ANKRD11: variants seen among roughly 807,000 people sequenced by gnomAD.
The protein encoded by ANKRD11 is ankyrin repeat domain 11, also known as ankyrin repeat domain-containing protein 11.
Under a neutral mutation model 195.7 loss-of-function variants are expected in ANKRD11, and 17 were observed. The observed-to-expected ratio is 0.09, with a 90% CI of 0.06 to 0.13. The LOEUF is 0.13. ANKRD11 is among the 10% of genes least tolerant of loss of function. ANKRD11 has a pLI of 1.00. For missense variants in ANKRD11, 3,735 were observed against 3,566.1 expected (o/e 1.05, Z -1.21); for synonymous variants, 1,953 against 1,528.1 (o/e 1.28, Z -6.49).
intron 1 of ANKRD11, among the ~76,000 whole-genome samples, chr16:89,419,001 C>T (rs1252046252): frequency 6.6e-6 from 1 of 151,966 alleles, no homozygotes; most frequent in African/African-American, 2.4e-5. Context: ...GGATTACAGG[C>T]GTCAGCCACC....
At chr16:89,393,933 G>A (rs1376480408) in intron 2 of ANKRD11, among the ~76,000 whole-genome samples, 1 of 152,206 alleles carries the variant, frequency 6.6e-6, no homozygotes. Context: ...TTGTAATAGA[G>A]ACTAGTTTAC....
intron 1 of ANKRD11, among the ~76,000 whole-genome samples, chr16:89,441,013 A>G (rs1329875574): frequency 3.0e-4 from 45 of 151,530 alleles, no homozygotes; most frequent in African/African-American, 9.0e-4. Flanking sequence ...CGAGGCGGGC[A>G]GATCATGAGG....
chr16:89,393,395 C>T (rs1433770050), intron 2 of ANKRD11, among the ~76,000 whole-genome samples: 2 of 150,500 alleles, frequency 1.3e-5, no homozygotes, highest in African/African-American at 4.9e-5. Context: ...GCAATATTGG[C>T]TCACTGCAAC....
chr16:89,452,076 C>T (rs4594255), intron 1 of ANKRD11, among the ~76,000 whole-genome samples: 73,138 of 151,512 alleles, frequency 0.48, 18,063 homozygotes, highest in Middle Eastern at 0.66. Flanking sequence ...CTGGACAACA[C>T]GGTGAAACCC....
intron 9 of ANKRD11, 115 bp from the exon 10 acceptor site, chr16:89,275,306 C>T: frequency 1.2e-6 from 1 of 825,716 alleles, no homozygotes; most frequent in Non-Finnish European, 1.9e-6. Flanking sequence ...GGAGCCTGCC[C>T]TGGAGGCCTC....
intron 3 of ANKRD11, among the ~76,000 whole-genome samples, chr16:89,312,623 C>A (rs1392701002): frequency 8.5e-6 from 1 of 117,324 alleles, no homozygotes; most frequent in East Asian, 2.2e-4. Context: ...ACAGAAATCA[C>A]CCTCTCCACG....
chr16:89,316,327 G>A (rs977802960), intron 3 of ANKRD11, among the ~76,000 whole-genome samples: 1 of 152,068 alleles, frequency 6.6e-6, no homozygotes, highest in African/African-American at 2.4e-5. Context: ...CCAGAACTCG[G>A]CGTCTCCCCT....
At chr16:89,373,950 G>C (rs896718934) in intron 2 of ANKRD11, among the ~76,000 whole-genome samples, 4 of 152,258 alleles carry the variant, frequency 2.6e-5, no homozygotes, top group African/African-American at 4.8e-5. Context: ...CACCAAGCGG[G>C]CTGGGGCCCT....
At chr16:89,437,334 T>C (rs977475896) in intron 1 of ANKRD11, among the ~76,000 whole-genome samples, 1 of 152,338 alleles carries the variant, frequency 6.6e-6, no homozygotes, top group African/African-American at 2.4e-5. Flanking sequence ...AAGACTGTAT[T>C]GTTTGCCCCA....
intron 1 of ANKRD11, among the ~76,000 whole-genome samples, chr16:89,483,383 A>T (rs1229034111): frequency 6.6e-6 from 1 of 152,246 alleles, no homozygotes; most frequent in Non-Finnish European, 1.5e-5. Context: ...CCAAAGAAAA[A>T]TCAAGCATGA....
chr16:89,299,248 C>T (rs2035654672), intron 4 of ANKRD11: 2 of 177,602 alleles, frequency 1.1e-5, no homozygotes, highest in Non-Finnish European at 1.2e-5. Context: ...CTGGTCCTGC[C>T]TGGGAGGAGA....
intron 2 of ANKRD11, 66 bp from the exon 3 acceptor site, chr16:89,317,144 C>A: frequency 9.5e-7 from 1 of 1,048,202 alleles, no homozygotes; most frequent in Non-Finnish European, 1.4e-6. Context: ...CACTCTCACA[C>A]CGCACTCAAC....
chr16:89,287,757 G>T (rs7191936), intron 7 of ANKRD11: 1 of 172,786 alleles, frequency 5.8e-6, no homozygotes, highest in South Asian at 1.8e-4. Flanking sequence ...CCACCCCACC[G>T]GAACAAGCCG....
chr16:89,417,481 G>C (rs1043293814), intron 2 of ANKRD11, among the ~76,000 whole-genome samples: 31 of 152,282 alleles, frequency 2.0e-4, no homozygotes, highest in Admixed American at 1.6e-3. Flanking sequence ...TGCTTGCTCA[G>C]AGCCAAGGCC....
chr16:89,302,551 G>A (rs1017873970), intron 4 of ANKRD11, among the ~76,000 whole-genome samples: 2 of 152,286 alleles, frequency 1.3e-5, no homozygotes, highest in Non-Finnish European at 2.9e-5. Flanking sequence ...GCGCCTGGCT[G>A]TGGACTTGCT....
At chr16:89,354,205 C>G (rs1226951078) in intron 2 of ANKRD11, among the ~76,000 whole-genome samples, 1 of 131,192 alleles carries the variant, frequency 7.6e-6, no homozygotes, top group Non-Finnish European at 1.6e-5. Context: ...CGCATTTTCA[C>G]AAATTTTACA....
intron 2 of ANKRD11, chr16:89,324,516 G>A (rs2037578095): frequency 2.2e-6 from 1 of 456,222 alleles, no homozygotes; most frequent in Non-Finnish European, 4.4e-6. Flanking sequence ...TGAGGAAGCT[G>A]CCAAAGGAGA....
chr16:89,372,671 C>T (rs2040246000), intron 2 of ANKRD11, among the ~76,000 whole-genome samples: 1 of 151,924 alleles, frequency 6.6e-6, no homozygotes, highest in Non-Finnish European at 1.5e-5. Context: ...TGAACAAGTG[C>T]AAGGAGGAGA....
intron 1 of ANKRD11, among the ~76,000 whole-genome samples, chr16:89,424,843 T>G (rs1426794491): frequency 5.3e-5 from 8 of 152,138 alleles, no homozygotes; most frequent in Non-Finnish European, 1.5e-5. Flanking sequence ...GGGCCCCCAG[T>G]GGTGAACACG....
Sources: allele counts gnomAD v4.1 joint callset (sites outside exome capture counted in the v4.1 genomes callset), GRCh38; gene constraint gnomAD v4.1.1; transcripts MANE v1.5; gene names NCBI Gene and HGNC (gene_info 2026-07-23, HGNC 2026-07-21).